NXPE2: variants seen among roughly 807,000 people sequenced by gnomAD.
The protein encoded by NXPE2 is NXPE family member 2.
In NXPE2, 34 loss-of-function variants were observed where a neutral mutation model predicts 34.4. The observed-to-expected ratio is 0.99, with a 90% CI of 0.75 to 1.31. The LOEUF (loss-of-function observed/expected upper bound fraction) is 1.31. Ranked by LOEUF, NXPE2 falls within the 40% of genes most tolerant of loss-of-function variation. The pLI, the probability that NXPE2 is intolerant of heterozygous loss-of-function variation, is 0.00. For missense variants in NXPE2, 649 were observed against 672.5 expected, an observed-to-expected ratio of 0.97 and a Z score of 0.39; for synonymous variants, 235 against 231.3, an observed-to-expected ratio of 1.02 and a Z score of -0.15.
At chr11:114,583,065 C>T in the NXPE2 span, 1 of 1,549,858 alleles carries the variant, frequency 6.5e-7, no homozygotes, top group Non-Finnish European at 8.7e-7. Context: ...AAATTTAGAG[C>T]ATATCTGAAC....
chr11:114,488,215 A>G, the NXPE2 span, among the ~76,000 whole-genome samples: 2,393 of 152,206 alleles, frequency 0.016, 45 homozygotes, highest in African/African-American at 0.052. Flanking sequence ...GGATTTATTC[A>G]TGACTTAATA....
the NXPE2 span, among the ~76,000 whole-genome samples, chr11:114,503,149 G>T: frequency 6.6e-6 from 1 of 152,032 alleles, no homozygotes; most frequent in Non-Finnish European, 1.5e-5. Context: ...GCTATTTGGG[G>T]GTGTAAGTCC....
At chr11:114,577,234 A>G in the NXPE2 span, among the ~76,000 whole-genome samples, 1 of 150,896 alleles carries the variant, frequency 6.6e-6, no homozygotes, top group Admixed American at 6.6e-5. Context: ...AAGGAATGAA[A>G]GAATGGCATG....
At chr11:114,523,930 A>G in the NXPE2 span, among the ~76,000 whole-genome samples, 1 of 152,258 alleles carries the variant, frequency 6.6e-6, no homozygotes, top group African/African-American at 2.4e-5. Flanking sequence ...GACCAAGATA[A>G]TAATGACTTA....
the NXPE2 span, among the ~76,000 whole-genome samples, chr11:114,579,854 G>C: frequency 6.6e-6 from 1 of 152,114 alleles, no homozygotes; most frequent in Non-Finnish European, 1.5e-5. Flanking sequence ...ATTATCTTTG[G>C]TTCCATCAAT....
chr11:114,675,275 T>C (rs11215143), upstream of NXPE2, among the ~76,000 whole-genome samples: 14,002 of 151,824 alleles, frequency 0.092, 766 homozygotes, highest in Middle Eastern at 0.2. Flanking sequence ...ACTCTTGCCA[T>C]TGAATTCAAC....
the NXPE2 span, among the ~76,000 whole-genome samples, chr11:114,644,016 T>C: frequency 1.3e-5 from 2 of 152,102 alleles, no homozygotes; most frequent in African/African-American, 2.4e-5. Context: ...TTTTATTCTC[T>C]TTGCAGCAAT....
the NXPE2 span, among the ~76,000 whole-genome samples, chr11:114,723,014 T>A: frequency 6.6e-6 from 1 of 152,198 alleles, no homozygotes; most frequent in Non-Finnish European, 1.5e-5. Flanking sequence ...ACTATGCATA[T>A]AAAGTTTGAA....
At chr11:114,706,023 T>A in intron 5 of NXPE2, 27 bp downstream of exon 5, 2 of 1,095,334 alleles carry the variant, frequency 1.8e-6, no homozygotes, top group Non-Finnish European at 2.4e-6. Context: ...TATTTTGAAA[T>A]TCTATTTGAC....
the NXPE2 span, among the ~76,000 whole-genome samples, chr11:114,646,093 C>A: frequency 6.6e-6 from 1 of 152,026 alleles, no homozygotes; most frequent in Non-Finnish European, 1.5e-5. Context: ...TTCCCTTCAA[C>A]TTCTTTTATT....
At chr11:114,737,947 C>T in the NXPE2 span, among the ~76,000 whole-genome samples, 32 of 152,146 alleles carry the variant, frequency 2.1e-4, no homozygotes, top group South Asian at 2.5e-3. Context: ...ATTTGCCGGG[C>T]GTGGTGGTGC....
chr11:114,520,004 C>T, the NXPE2 span, among the ~76,000 whole-genome samples: 2 of 151,758 alleles, frequency 1.3e-5, no homozygotes, highest in East Asian at 1.9e-4. Context: ...TTAGTAAAGA[C>T]GGGGTTTCAC....
At chr11:114,608,835 G>A in the NXPE2 span, among the ~76,000 whole-genome samples, 1 of 151,878 alleles carries the variant, frequency 6.6e-6, no homozygotes, top group South Asian at 2.1e-4. Flanking sequence ...TTACCTGGTG[G>A]ATAATAAGTG....
chr11:114,737,413 T>C, the NXPE2 span, among the ~76,000 whole-genome samples: 1 of 152,146 alleles, frequency 6.6e-6, no homozygotes, highest in African/African-American at 2.4e-5. Context: ...CAGCAATACA[T>C]TTTTGCAGCA....
chr11:114,532,354 G>A, the NXPE2 span, among the ~76,000 whole-genome samples: 1 of 151,638 alleles, frequency 6.6e-6, no homozygotes, highest in Non-Finnish European at 1.5e-5. Flanking sequence ...AGAACCTTTT[G>A]GTTCTCTGGA....
chr11:114,695,347 T>C (rs565859726), intron 2 of NXPE2, among the ~76,000 whole-genome samples: 11 of 152,318 alleles, frequency 7.2e-5, no homozygotes, highest in Non-Finnish European at 1.3e-4. Flanking sequence ...TTTAGTGAGC[T>C]TGTGCCCTTA....
the NXPE2 span, among the ~76,000 whole-genome samples, chr11:114,770,488 TGG>T: frequency 6.6e-6 from 1 of 152,236 alleles, no homozygotes; most frequent in South Asian, 2.1e-4. Flanking sequence ...GCATCACTGT[TGG>T]GTACTGCTGA....
chr11:114,615,246 C>T, the NXPE2 span, among the ~76,000 whole-genome samples: 1 of 151,920 alleles, frequency 6.6e-6, no homozygotes, highest in African/African-American at 2.4e-5. Context: ...CCACTGTTAC[C>T]CAGTGGATTA....
At chr11:114,706,125 G>C in intron 5 of NXPE2, 129 bp downstream of exon 5, 1 of 358,642 alleles carries the variant, frequency 2.8e-6, no homozygotes, top group Non-Finnish European at 4.4e-6. Context: ...TTTTAAATTT[G>C]CCTAACTTTT....
Sources: gnomAD v4.1 joint callset for allele counts (sites outside exome capture counted in the v4.1 genomes callset) on GRCh38, gnomAD v4.1.1 for gene constraint, MANE v1.5 for transcripts, NCBI Gene and HGNC (gene_info 2026-07-23, HGNC 2026-07-21) for gene names.